Variants in EPAS1 observed in about 807,000 individuals in gnomAD.
The protein encoded by EPAS1 is endothelial PAS domain protein 1, also known as endothelial PAS domain-containing protein 1.
In EPAS1, 23 loss-of-function variants were observed where a neutral mutation model predicts 87.9. The ratio of observed to expected loss-of-function variants is 0.26; its 90% CI spans 0.19 to 0.37. The LOEUF (loss-of-function observed/expected upper bound fraction) is 0.37. Ranked by LOEUF, EPAS1 falls within the 10% of genes least tolerant of loss-of-function variation. EPAS1 has a pLI of 1.00. For missense variants in EPAS1, 1,138 were observed against 1,120.7 expected, an observed-to-expected ratio of 1.02 and a Z score of -0.22; for synonymous variants, 508 against 444.3, an observed-to-expected ratio of 1.14 and a Z score of -1.80.
At chr2:46,355,890 G>A (rs1684259353) in intron 2 of EPAS1, among the ~76,000 whole-genome samples, 1 of 152,224 alleles carries the variant, frequency 6.6e-6, no homozygotes, top group African/African-American at 2.4e-5. Flanking sequence ...TCACACAGCA[G>A]CTCCTACTGC....
Position 46,371,260 on chromosome 2 carries a change from A to G in EPAS1, c.886+1327A>G, listed in dbSNP as rs746605708. Among the ~76,000 whole-genome samples, 1 of 152,224 alleles carries G rather than the reference A, an allele frequency of 6.6e-6. No homozygotes were observed. Among genetic ancestry groups the G allele is most frequent in the African/African-American group, 2.4e-5 (1 of 41,462 alleles). On this transcript the variant is annotated intron_variant, in intron 7 of 15. Transcript: ENST00000263734. The surrounding 1 kb of genome is among the most constrained non-coding windows in gnomAD (Gnocchi z 4.3). ...AATCCACCCATCTACCCCAAGGCTA[A>G]GACAGCCAAGTTCAGTGCAGCCAGC...
rs115848036 is a variant in EPAS1 at position 46,338,672 on chromosome 2, T to C, written c.27-8201T>C. Among the ~76,000 whole-genome samples, 398 of 152,302 alleles carry C rather than the reference T, an allele frequency of 2.6e-3. 1 individual carries two copies. Among genetic ancestry groups the C allele is most frequent in the African/African-American group, 9.4e-3 (390 of 41,568 alleles). ...GATTAGAGTCAAAGGAAGCCACCAG[T>C]TTTAGCACAGCTGGTCTTCTCTTCA... On this transcript the variant is annotated intron_variant, in intron 1 of 15. Coordinates refer to ENST00000263734, the MANE Select transcript of EPAS1 (RefSeq NM_001430.5).
At position 46,344,502 on chromosome 2, in the gene EPAS1, G is replaced by T. The variant is rs529085508; in HGVS notation, c.27-2371G>T. Among the ~76,000 whole-genome samples, 37 of 152,340 alleles carry T rather than the reference G, an allele frequency of 2.4e-4. No individual in the cohort carries two copies. The East Asian group carries it at 7.1e-3, about 29-fold the overall frequency. Reference sequence around the variant, plus strand: ...CCCTCCTGATCCAAAGGCATGATGTGTGCGGTTTCAGCATCCTGCCCTCTT... The same window carrying T: ...CCCTCCTGATCCAAAGGCATGATGTTTGCGGTTTCAGCATCCTGCCCTCTT... On this transcript the variant is annotated intron_variant, in intron 1 of 15. Transcript: ENST00000263734.
At chr2:46,314,732 C>A (rs569086116) in intron 1 of EPAS1, among the ~76,000 whole-genome samples, 1 of 152,128 alleles carries the variant, frequency 6.6e-6, no homozygotes, top group East Asian at 1.9e-4. Context: ...GATGATTGGT[C>A]GGGAGCTGGA....
chr2:46,314,622 T>C (rs1683276444), intron 1 of EPAS1, among the ~76,000 whole-genome samples: 1 of 152,224 alleles, frequency 6.6e-6, no homozygotes, highest in South Asian at 2.1e-4. Context: ...AGATCCCCAA[T>C]AGGGTTCTAG....
intron 6 of EPAS1, among the ~76,000 whole-genome samples, chr2:46,362,567 A>C (rs1399324495): frequency 6.6e-6 from 1 of 152,152 alleles, no homozygotes; most frequent in Non-Finnish European, 1.5e-5. Context: ...CAGGAAAAAA[A>C]GCTCCTGCTC....
rs1684909693 is a variant in EPAS1, at chr2:46,382,064, G to C, written c.2262G>C (p.Lys754Asn). Residue 754 changes from lysine (K) to asparagine (N), a missense_variant, in exon 14 of 16, where the codon AAG becomes AAC. Lys to Asn is a moderately conservative substitution (Grantham distance 94). Around this residue, in one of 4 missense-constraint regions of EPAS1, gnomAD observed 502 missense variants for 427.1 expected, o/e 1.18. Transcript: ENST00000263734. ...GGAGCTGCCCTTTGATGCCGGACAAGCCACTGAGCGCAAATGTACCCAATG... is the reference window on the plus strand; with the variant it reads ...GGAGCTGCCCTTTGATGCCGGACAACCCACTGAGCGCAAATGTACCCAATG... ...RGGSCPLMPD[K>N]PLSANVPNDK... 1 of 1,613,912 alleles carries C rather than the reference G, an allele frequency of 6.2e-7. No individual in the cohort carries two copies. Among genetic ancestry groups the C allele is most frequent in the Admixed American group, 1.7e-5 (1 of 60,006 alleles).
In EPAS1 at chr2:46,371,938, G is replaced by GA. The variant is rs200537042; in HGVS notation, c.886+2014dup. On this transcript the variant is annotated intron_variant, in intron 7 of 15. Coordinates refer to ENST00000263734, the MANE Select transcript of EPAS1 (RefSeq NM_001430.5). This position sits in a 1 kb window ranked among gnomAD's most constrained non-coding sequence, Gnocchi z 4.3. ...AAAGCAGAAGAAGCTACTGTCAAAG[G>GA]AAAAAAAAATTGTGACTTCTGACTA... Among the ~76,000 whole-genome samples, 2 of 150,926 alleles carry GA rather than the reference G, an allele frequency of 1.3e-5. No individual in the cohort carries two copies. Among genetic ancestry groups the GA allele is most frequent in the African/African-American group, 2.4e-5 (1 of 41,054 alleles).
At chr2:46,330,065 G>A (rs1683645018) in intron 1 of EPAS1, among the ~76,000 whole-genome samples, 1 of 152,184 alleles carries the variant, frequency 6.6e-6, no homozygotes, top group Non-Finnish European at 1.5e-5. Flanking sequence ...CGTTTGTGAT[G>A]CCACATGTTT....
intron 11 of EPAS1, 128 bp downstream of exon 11, chr2:46,378,895 G>A (rs757624890): frequency 9.4e-5 from 83 of 885,672 alleles, no homozygotes; most frequent in Non-Finnish European, 1.3e-4. Context: ...CCAAGGCCCA[G>A]GTCCCCTAAA....
rs115330746 is a variant in EPAS1 at position 46,346,547 on chromosome 2, C to T, written c.27-326C>T. ...CATCCCTGGACATTCACCCCTATCC[C>T]CAGATATTCCAGGGCTAGGTCCCAG... On this transcript the variant is annotated intron_variant, in intron 1 of 15. Coordinates refer to ENST00000263734, the MANE Select transcript of EPAS1 (RefSeq NM_001430.5). This position sits in a 1 kb window ranked among gnomAD's most constrained non-coding sequence, Gnocchi z 4.0. 0.012 allele frequency among the ~76,000 whole-genome samples: 1,881 copies of T among 152,330 alleles called. 21 individuals carry two copies. Among genetic ancestry groups the T allele is most frequent in the Non-Finnish European group, 0.02 (1,329 of 68,034 alleles).
intron 1 of EPAS1, among the ~76,000 whole-genome samples, chr2:46,324,531 C>G (rs1683516048): frequency 6.6e-6 from 1 of 152,224 alleles, no homozygotes; most frequent in Non-Finnish European, 1.5e-5. Context: ...TGAGAACAGA[C>G]TGGTTTAAGG....
At chr2:46,345,693 A>G (rs375164777) in intron 1 of EPAS1, among the ~76,000 whole-genome samples, 3 of 152,188 alleles carry the variant, frequency 2.0e-5, no homozygotes, top group South Asian at 2.1e-4. Flanking sequence ...TGTGATACCT[A>G]TAATAATAGT....
chr2:46,298,964 G>T (rs943617440), intron 1 of EPAS1, among the ~76,000 whole-genome samples: 14 of 152,232 alleles, frequency 9.2e-5, no homozygotes, highest in Non-Finnish European at 1.8e-4. Flanking sequence ...GCTTGGCCGC[G>T]GCTTGGCGAG....
chr2:46,384,025 T>G (rs1285353511), intron 15 of EPAS1, among the ~76,000 whole-genome samples: 2 of 152,174 alleles, frequency 1.3e-5, no homozygotes, highest in African/African-American at 4.8e-5. Flanking sequence ...CACTCCCTGG[T>G]CTGCCTCCTC....
At position 46,372,488 on chromosome 2, in the gene EPAS1, C is replaced by T. The variant is rs1372398178; in HGVS notation, c.886+2555C>T. 3.3e-5 allele frequency among the ~76,000 whole-genome samples: 5 copies of T among 152,302 alleles called. No individual in the cohort carries two copies. In the East Asian group the frequency reaches 9.6e-4, roughly 29 times the overall value. ...TTTACCGTTGAAATGCCTGGAGAAG[C>T]TCAACTAGATTTAGATCATTGAAAG... On this transcript the variant is annotated intron_variant, in intron 7 of 15. Coordinates refer to ENST00000263734, the MANE Select transcript of EPAS1 (RefSeq NM_001430.5).
intron 6 of EPAS1, among the ~76,000 whole-genome samples, chr2:46,362,977 A>G (rs4035888): frequency 0.032 from 3,314 of 104,240 alleles, 166 homozygotes; most frequent in East Asian, 0.2. Flanking sequence ...TGGTGGTGGT[A>G]GTGGTGGTGG....
chr2:46,297,561 CT>C lies in EPAS1; in HGVS notation c.-341del, dbSNP rs149642079. 1.5e-3 allele frequency: 451 copies of C among 301,622 alleles called. No homozygotes were observed. The highest frequency in any genetic ancestry group is 2.3e-3 in the Middle Eastern group (2 of 884). The allele number at this position is 301,622 out of a possible 1,614,324, so 18.7% of individuals were successfully genotyped here. ...CTTCCGACTCCCAGCATTCGAGCCA[CT>C]TTTTTTTTTCTTTGAAAACTCAGAA... On this transcript the variant is annotated 5_prime_UTR_variant, in exon 1 of 16. An upstream open reading frame in the 5' UTR gains an earlier in-frame stop. Coordinates refer to ENST00000263734, the MANE Select transcript of EPAS1 (RefSeq NM_001430.5).
At chr2:46,340,264 T>C (rs1295526525) in intron 1 of EPAS1, among the ~76,000 whole-genome samples, 2 of 152,036 alleles carry the variant, frequency 1.3e-5, no homozygotes, top group African/African-American at 2.4e-5. Context: ...CCAAGCAGAA[T>C]TGACCATTAG....
Sources: allele counts gnomAD v4.1 joint callset (sites outside exome capture counted in the v4.1 genomes callset), GRCh38; gene constraint gnomAD v4.1.1; regional missense constraint gnomAD v4.1.1; non-coding constraint Gnocchi (gnomAD v3.1); transcripts MANE v1.5; gene names NCBI Gene and HGNC (gene_info 2026-07-23, HGNC 2026-07-21).